The following MKLN1 variants were observed in gnomAD, a reference collection of about 807,000 sequenced individuals.
The protein encoded by MKLN1 is muskelin 1.
Under a neutral mutation model 99.0 loss-of-function variants are expected in MKLN1, and 18 were observed. The observed-to-expected ratio is 0.18, with a 90% CI of 0.13 to 0.27. The LOEUF is 0.27. Ranked by LOEUF, MKLN1 falls within the 10% of genes least tolerant of loss-of-function variation. The pLI is 1.00. For synonymous variants in MKLN1, 288 were observed against 293.2 expected (o/e 0.98, Z 0.18); for missense variants, 621 against 875.9 (o/e 0.71, Z 3.67).
intron 3 of MKLN1, among the ~76,000 whole-genome samples, chr7:131,204,723 T>C (rs1228249739): frequency 6.6e-6 from 1 of 152,102 alleles, no homozygotes; most frequent in East Asian, 1.9e-4. Context: ...CCCAGCACTT[T>C]GGGAGGCCAA....
rs757595042 is a variant in MKLN1 at position 131,372,851 on chromosome 7, C to A, written c.99-2573C>A. 5.9e-5 allele frequency among the ~76,000 whole-genome samples: 9 copies of A among 151,350 alleles called. No individual in the cohort carries two copies. The South Asian group carries it at 1.7e-3, about 28-fold the overall frequency. ...GTTCAAATCCTTACTTAGCTGTATA[C>A]GTTTAGGCAATTAATCTTTTCTTTT... On this transcript the variant is annotated intron_variant, in intron 1 of 17. Coordinates refer to ENST00000352689, the MANE Select transcript of MKLN1 (RefSeq NM_013255.5).
At chr7:131,311,534 C>T (rs1341049203) in intron 3 of MKLN1, among the ~76,000 whole-genome samples, 3 of 152,144 alleles carry the variant, frequency 2.0e-5, no homozygotes, top group African/African-American at 7.2e-5. Context: ...TTTTAACATG[C>T]TAAATATGCC....
At chr7:131,184,987 A>C (rs1405312584) in intron 2 of MKLN1, among the ~76,000 whole-genome samples, 1 of 152,208 alleles carries the variant, frequency 6.6e-6, no homozygotes, top group Admixed American at 6.5e-5. Flanking sequence ...GGAAAGAGTC[A>C]ACACGGCAGA....
intron 8 of MKLN1, among the ~76,000 whole-genome samples, chr7:131,423,552 G>A (rs181946352): frequency 8.5e-5 from 13 of 152,218 alleles, no homozygotes; most frequent in Non-Finnish European, 1.8e-4. Flanking sequence ...TGCTGGTCTC[G>A]AACTCCCGAC....
chr7:131,398,074 C>CTT (rs1794411745), intron 5 of MKLN1, among the ~76,000 whole-genome samples: 1 of 152,108 alleles, frequency 6.6e-6, no homozygotes, highest in Non-Finnish European at 1.5e-5. Flanking sequence ...TGTTTCAAAT[C>CTT]TTATACATCT....
At chr7:131,209,021 G>A (rs1049511557) in intron 3 of MKLN1, among the ~76,000 whole-genome samples, 3 of 152,218 alleles carry the variant, frequency 2.0e-5, no homozygotes, top group African/African-American at 7.2e-5. Flanking sequence ...TGATCTCAAT[G>A]ACAGGGAGGA....
chr7:131,470,822 T>C lies in MKLN1; in HGVS notation c.1929-20T>C. 2 of 1,447,814 alleles carry C rather than the reference T, an allele frequency of 1.4e-6. No individual in the cohort carries two copies. Among genetic ancestry groups the C allele is most frequent in the East Asian group, 2.3e-5 (1 of 44,010 alleles). The allele number at this position is 1,447,814 out of a possible 1,614,324, so 89.7% of individuals were successfully genotyped here. A position where few individuals can be genotyped will look rare whatever the true frequency, so the allele number is the denominator to read the frequency against. On this transcript the variant is annotated intron_variant, in intron 15 of 17. Coordinates refer to ENST00000352689, the MANE Select transcript of MKLN1 (RefSeq NM_013255.5). ...ATTTTCTCATAACTCCAGATAATTA[T>C]CCTTGTGTACATTTTCTAGGTTTGA...
intron 1 of MKLN1, among the ~76,000 whole-genome samples, chr7:131,350,347 G>A (rs985866707): frequency 4.0e-5 from 6 of 151,676 alleles, no homozygotes; most frequent in African/African-American, 9.7e-5. Context: ...GGCATGAGCC[G>A]CTGCACCTGG....
chr7:131,449,786 A>T (rs1796125986), intron 12 of MKLN1, among the ~76,000 whole-genome samples: 2 of 151,980 alleles, frequency 1.3e-5, no homozygotes, highest in South Asian at 2.1e-4. Context: ...GGGATTGAGA[A>T]CCACTGTTCT....
At chr7:131,333,332 C>G (rs1295496372) in intron 1 of MKLN1, among the ~76,000 whole-genome samples, 2 of 152,156 alleles carry the variant, frequency 1.3e-5, no homozygotes, top group African/African-American at 2.4e-5. Flanking sequence ...ACCTCAGTGC[C>G]CCAAAGTGCT....
intron 3 of MKLN1, among the ~76,000 whole-genome samples, chr7:131,289,818 A>C (rs1420116926): frequency 6.6e-6 from 1 of 152,152 alleles, no homozygotes; most frequent in Non-Finnish European, 1.5e-5. Context: ...TGTTAGGTAA[A>C]TAAAATATTT....
At chr7:131,370,308 C>T (rs1245278514) in intron 1 of MKLN1, among the ~76,000 whole-genome samples, 1 of 150,824 alleles carries the variant, frequency 6.6e-6, no homozygotes, top group Non-Finnish European at 1.5e-5. Flanking sequence ...TTGTGTTTCT[C>T]TGAGCTATTG....
chr7:131,319,572 T>C (rs916206141), intron 3 of MKLN1, among the ~76,000 whole-genome samples: 5 of 152,130 alleles, frequency 3.3e-5, no homozygotes, highest in Admixed American at 6.5e-5. Flanking sequence ...CTATTCAACA[T>C]AGTATTGGAA....
intron 2 of MKLN1, chr7:131,142,981 CA>C (rs754415205): frequency 1.6e-6 from 2 of 1,259,760 alleles, no homozygotes; most frequent in East Asian, 5.6e-5. Flanking sequence ...CTTTAGTTGT[CA>C]AAAAAGTACT....
intron 3 of MKLN1, chr7:131,243,098 A>G: frequency 2.5e-6 from 1 of 395,854 alleles, no homozygotes; most frequent in Non-Finnish European, 4.9e-6. Flanking sequence ...GTCCTAGTGA[A>G]GTACATTTGA....
intron 3 of MKLN1, among the ~76,000 whole-genome samples, chr7:131,227,592 A>T (rs1466263479): frequency 7.3e-6 from 1 of 137,154 alleles, no homozygotes; most frequent in African/African-American, 2.7e-5. Flanking sequence ...TTGAGACAGA[A>T]TCTCACTCTG....
chr7:131,466,329 A>G lies in MKLN1; in HGVS notation c.1842A>G (p.Arg614=), dbSNP rs757478449. 3.1e-6 allele frequency: 5 copies of G among 1,608,648 alleles called. No individual in the cohort carries two copies. The Admixed American group carries it at 8.4e-5, about 27-fold the overall frequency. ...GAAAATCTTGCTCTCCAAAGATGAG[A>G]TTAGATGACTTCTGGTCACTGAAGT... ...NPGKSCSPKM[R]LDDFWSLKLC... Residue 614 remains arginine, a synonymous_variant, in exon 15 of 18, where the codon AGA becomes AGG. Transcript: ENST00000352689.
chr7:131,171,961 A>G (rs775446430), intron 2 of MKLN1, among the ~76,000 whole-genome samples: 14 of 152,138 alleles, frequency 9.2e-5, no homozygotes, highest in Non-Finnish European at 1.6e-4. Flanking sequence ...GACCAGTGGG[A>G]CCAGCACAGA....
At chr7:131,262,570 A>C (rs1349425818) in intron 3 of MKLN1, among the ~76,000 whole-genome samples, 1 of 149,414 alleles carries the variant, frequency 6.7e-6, no homozygotes, top group Non-Finnish European at 1.5e-5. Context: ...TTCTTTTTTG[A>C]GATAGAGTCC....
Sources: allele counts gnomAD v4.1 joint callset (sites outside exome capture counted in the v4.1 genomes callset), GRCh38; gene constraint gnomAD v4.1.1; transcripts MANE v1.5; gene names NCBI Gene and HGNC (gene_info 2026-07-23, HGNC 2026-07-21).